The following VGLL4 variants were observed in gnomAD, a reference collection of about 807,000 sequenced individuals.
VGLL4 encodes the protein transcription cofactor vestigial-like protein 4.
In VGLL4, 7 loss-of-function variants were observed where a neutral mutation model predicts 21.0. That is an observed-to-expected ratio of 0.33 (90% CI 0.19 to 0.63). VGLL4 has a LOEUF of 0.63. Ranked by LOEUF, VGLL4 falls within the 20% of genes least tolerant of loss-of-function variation. The probability of loss-of-function intolerance (pLI) is 0.78; values close to 1 mark genes in which losing one functional copy is unlikely to be tolerated. For missense variants in VGLL4, 394 were observed against 425.7 expected, an observed-to-expected ratio of 0.93 and a Z score of 0.66; for synonymous variants, 222 against 173.2, an observed-to-expected ratio of 1.28 and a Z score of -2.21.
intron 1 of VGLL4, chr3:11,612,812 C>G (rs1575453079): frequency 1.3e-5 from 2 of 152,292 alleles, no homozygotes; most frequent in Admixed American, 1.3e-4. Flanking sequence ...GGAGACAAAG[C>G]CAGCTCAGAA....
chr3:11,659,302 C>T (rs146526815), intron 2 of VGLL4, among the ~76,000 whole-genome samples: 4 of 136,816 alleles, frequency 2.9e-5, no homozygotes, highest in Admixed American at 1.5e-4. Context: ...TTTTTTTTTT[C>T]TGTTTTCTTT....
At chr3:11,678,711 T>C (rs1290966801) in intron 2 of VGLL4, among the ~76,000 whole-genome samples, 1 of 152,140 alleles carries the variant, frequency 6.6e-6, no homozygotes, top group African/African-American at 2.4e-5. Context: ...TTCTCCCTCT[T>C]TGTTTATGTT....
At chr3:11,689,875 A>G (rs1245824222) in intron 2 of VGLL4, among the ~76,000 whole-genome samples, 2 of 152,198 alleles carry the variant, frequency 1.3e-5, no homozygotes, top group Non-Finnish European at 1.5e-5. Flanking sequence ...CTGCCAAAAC[A>G]GTCTCTCCTC....
intron 2 of VGLL4, among the ~76,000 whole-genome samples, chr3:11,584,735 C>T (rs1008051863): frequency 3.3e-5 from 5 of 151,590 alleles, no homozygotes; most frequent in Admixed American, 6.6e-5. Flanking sequence ...GGGCAACTTA[C>T]TGGAAAGATA....
In VGLL4 at chr3:11,643,914, A is replaced by G. The variant is rs1029300023; in HGVS notation, c.-396T>C. The G allele has an allele frequency of 4.0e-5, 40 of 1,011,686 alleles. No individual in the cohort carries two copies. The highest frequency in any genetic ancestry group is 4.6e-5 in the Non-Finnish European group (39 of 846,248). 62.7% of individuals were successfully genotyped at this position (1,011,686 alleles called of 1,614,324 possible). A position where few individuals can be genotyped will look rare whatever the true frequency, so the allele number is the denominator to read the frequency against. Reference sequence around the variant, plus strand: ...AGCCGGCAGCGCTGACATGAGGGCTATGCTTGGCATGACTCCTATGCCGCC... The same window carrying G: ...AGCCGGCAGCGCTGACATGAGGGCTGTGCTTGGCATGACTCCTATGCCGCC... On this transcript the variant is annotated 5_prime_UTR_variant, in exon 1 of 5. Transcript: ENST00000430365.
rs60921966 is a variant in VGLL4 at position 11,717,490 on chromosome 3, AT to A, written c.-14+2903del. On this transcript the variant is annotated intron_variant, in intron 1 of 5. Transcript: ENST00000273038. ...AGTTAAGAGGAATTTCCCACTACAG[AT>A]TTTTTTTTTTTTTTTTTTTTTTTGG... is the stretch of plus-strand genomic sequence containing the variant. Among the ~76,000 whole-genome samples the A allele has an allele frequency of 1.3e-3, 98 of 72,946 alleles. 1 individual carries two copies. Among genetic ancestry groups the A allele is most frequent in the South Asian group, 3.1e-3 (5 of 1,632 alleles). The allele number at this position is 72,946 out of a possible 152,430, so 47.9% of individuals were successfully genotyped here. A position where few individuals can be genotyped will look rare whatever the true frequency, so the allele number is the denominator to read the frequency against.
intron 2 of VGLL4, among the ~76,000 whole-genome samples, chr3:11,595,757 G>A (rs1357291510): frequency 2.6e-5 from 4 of 151,172 alleles, no homozygotes; most frequent in African/African-American, 7.3e-5. Flanking sequence ...AACACCGCAT[G>A]TTCTCACTCA....
At chr3:11,560,558 A>ATGAT (rs2072890495) in intron 3 of VGLL4, among the ~76,000 whole-genome samples, 1 of 152,360 alleles carries the variant, frequency 6.6e-6, no homozygotes, top group South Asian at 2.1e-4. Flanking sequence ...AGACCTTCTC[A>ATGAT]TGATAGACGA....
chr3:11,714,004 G>A (rs1409144874), intron 1 of VGLL4, among the ~76,000 whole-genome samples: 1 of 152,106 alleles, frequency 6.6e-6, no homozygotes. Flanking sequence ...AACTACCCTG[G>A]CAACAGGAGC....
At chr3:11,560,207 C>T (rs978125190) in intron 3 of VGLL4, among the ~76,000 whole-genome samples, 4 of 152,192 alleles carry the variant, frequency 2.6e-5, no homozygotes, top group African/African-American at 9.7e-5. Flanking sequence ...GCAAGTGCAT[C>T]GGTCTGTCCA....
intron 2 of VGLL4, among the ~76,000 whole-genome samples, chr3:11,675,052 G>A (rs1463993389): frequency 2.6e-5 from 4 of 152,204 alleles, no homozygotes; most frequent in Admixed American, 2.6e-4. Flanking sequence ...TAACCAAAAT[G>A]CAACATAGGC....
intron 1 of VGLL4, chr3:11,633,313 A>C (rs1413900060): frequency 6.6e-6 from 1 of 152,246 alleles, no homozygotes; most frequent in Non-Finnish European, 1.5e-5. Flanking sequence ...ACAGCGAGAT[A>C]AATTCCATGG....
chr3:11,668,763 G>C (rs573239451), intron 2 of VGLL4, among the ~76,000 whole-genome samples: 5 of 152,210 alleles, frequency 3.3e-5, no homozygotes, highest in Non-Finnish European at 5.9e-5. Flanking sequence ...GGAGAAGATA[G>C]CAGTGAACTT....
intron 1 of VGLL4, among the ~76,000 whole-genome samples, chr3:11,718,737 A>C (rs932161923): frequency 5.3e-5 from 8 of 152,164 alleles, no homozygotes; most frequent in African/African-American, 1.7e-4. Context: ...AGAGAGGGCA[A>C]CCAGCTGTTG....
chr3:11,658,233 C>CCTGGATCTTTCCTT (rs1559927934), intron 2 of VGLL4, among the ~76,000 whole-genome samples: 2 of 152,212 alleles, frequency 1.3e-5, no homozygotes, highest in Admixed American at 6.5e-5. Context: ...CCATGCCCGG[C>CCTGGATCTTTCCTT]TAAAACAAGT....
Position 11,559,399 on chromosome 3 carries a change from C to A in VGLL4, c.552G>T (p.Ser184=). ...ASAGARNCNL[S]HCPIAHSGCA... is the part of the protein sequence containing the mutation. ...AGCCGCTGTGCGCGATGGGGCAGTG[C>A]GAGAGGTTGCAGTTGCGGGCGCCAG... The change falls in exon 4 of 5, where the codon TCG becomes TCT. Residue 184 remains serine (S), a synonymous_variant. Coordinates refer to ENST00000430365, the MANE Select transcript of VGLL4 (RefSeq NM_001128219.3). 1 of 1,561,234 alleles carries A rather than the reference C, an allele frequency of 6.4e-7. No individual in the cohort carries two copies.
chr3:11,640,625 G>T (rs1370784178), intron 1 of VGLL4, among the ~76,000 whole-genome samples: 1 of 152,164 alleles, frequency 6.6e-6, no homozygotes, highest in Non-Finnish European at 1.5e-5. Context: ...CCTGCTAATT[G>T]TGGTTAACTT....
At chr3:11,570,404 C>A (rs1449053984) in intron 2 of VGLL4, among the ~76,000 whole-genome samples, 1 of 152,230 alleles carries the variant, frequency 6.6e-6, no homozygotes, top group Admixed American at 6.5e-5. Flanking sequence ...AGTCCTGCCA[C>A]GCTGGCTTTC....
intron 2 of VGLL4, among the ~76,000 whole-genome samples, chr3:11,700,772 T>C (rs2076670539): frequency 6.6e-6 from 1 of 152,218 alleles, no homozygotes; most frequent in African/African-American, 2.4e-5. Context: ...TCATATTTCT[T>C]GCAATCTTAG....
Sources: allele counts gnomAD v4.1 joint callset (sites outside exome capture counted in the v4.1 genomes callset), GRCh38; gene constraint gnomAD v4.1.1; transcripts MANE v1.5; gene names NCBI Gene and HGNC (gene_info 2026-07-23, HGNC 2026-07-21).